Variants in CREG2 observed in about 807,000 individuals in gnomAD.
CREG2 encodes the protein cellular repressor of E1A stimulated genes 2.
Under a neutral mutation model 26.2 loss-of-function variants are expected in CREG2, and 24 were observed. The ratio of observed to expected loss-of-function variants is 0.92; its 90% CI spans 0.66 to 1.29. CREG2 has a LOEUF of 1.29. Ranked by LOEUF, CREG2 falls within the 50% of genes most tolerant of loss-of-function variation. The probability of loss-of-function intolerance (pLI) is 0.00; values close to 1 mark genes in which losing one functional copy is unlikely to be tolerated. For synonymous variants in CREG2, 174 were observed against 169.2 expected, an observed-to-expected ratio of 1.03 and a Z score of -0.22; for missense variants, 366 against 398.6, an observed-to-expected ratio of 0.92 and a Z score of 0.70.
Position 101,387,142 on chromosome 2 carries a change from A to G in CREG2, c.316T>C (p.Tyr106His). ...GCCGTCTGGCCGCCCTCGCGCCGGT[A>G]GGAGAACATCCCGGGTGGCGCGGGG... ...PPPAPPGMFS[Y>H]RREGGQTASA... is the part of the protein sequence containing the mutation. Residue 106 changes from tyrosine to histidine, a missense_variant, in exon 1 of 4, where the codon TAC (tyrosine) becomes CAC (histidine). Around this residue, in one of 3 missense-constraint regions of CREG2, gnomAD observed 177 missense variants for 183.3 expected, o/e 0.97. Transcript: ENST00000324768. This position sits in a 1 kb window ranked among gnomAD's most constrained non-coding sequence, Gnocchi z 4.7. 1 of 1,254,966 alleles carries G rather than the reference A, an allele frequency of 8.0e-7. No homozygotes were observed. The highest frequency in any genetic ancestry group is 4.2e-5 in the Admixed American group (1 of 23,658). 77.7% of individuals were successfully genotyped at this position (1,254,966 alleles called of 1,614,324 possible). A position where few individuals can be genotyped will look rare whatever the true frequency, so the allele number is the denominator to read the frequency against.
In CREG2 at chr2:101,348,695, G is replaced by A. The variant is rs993525427; in HGVS notation, c.*2228C>T. The A allele has an allele frequency of 6.6e-6, 1 of 151,872 alleles. No individual in the cohort carries two copies. The highest frequency in any genetic ancestry group is 1.5e-5 in the Non-Finnish European group (1 of 67,984). The allele number at this position is 151,872 out of a possible 1,614,324, so 9.4% of individuals were successfully genotyped here. A position where few individuals can be genotyped will look rare whatever the true frequency, so the allele number is the denominator to read the frequency against. ...CCAGAGTTTTTTTTTAAAAAAAATA[G>A]ATTATTTGGAATTTCTATGTAGGCA... On this transcript the variant is annotated 3_prime_UTR_variant, in exon 4 of 4. Coordinates refer to ENST00000324768, the MANE Select transcript of CREG2 (RefSeq NM_153836.4).
chr2:101,387,240 C>T lies in CREG2; in HGVS notation c.218G>A (p.Ser73Asn). 6.9e-7 allele frequency: 1 copy of T among 1,439,526 alleles called. No homozygotes were observed. The highest frequency in any genetic ancestry group is 1.4e-5 in the South Asian group (1 of 71,382). The allele number at this position is 1,439,526 out of a possible 1,614,324, so 89.2% of individuals were successfully genotyped here. A position where few individuals can be genotyped will look rare whatever the true frequency, so the allele number is the denominator to read the frequency against. ...CTCCTTGTGGGCAGAGGCGGGGAAG[C>T]TTTGCTGCCAGATGCTGCCCGAATC... ...LEDSGSIWQQ[S>N]FPASAHKEDA... The change falls in exon 1 of 4, where the codon AGC (serine) becomes AAC (asparagine). Residue 73 changes from serine to asparagine, a missense_variant. By Grantham distance (46) the Ser-to-Asn change is conservative. Coordinates refer to ENST00000324768, the MANE Select transcript of CREG2 (RefSeq NM_153836.4). This position sits in a 1 kb window ranked among gnomAD's most constrained non-coding sequence, Gnocchi z 4.7.
intron 2 of CREG2, among the ~76,000 whole-genome samples, chr2:101,370,988 G>A (rs939960981): frequency 1.3e-5 from 2 of 152,124 alleles, no homozygotes; most frequent in African/African-American, 2.4e-5. Flanking sequence ...CTGAAACCAC[G>A]TCTCAGATTC....
chr2:101,383,843 T>A, intron 1 of CREG2, 141 bp from the exon 2 acceptor site: 1 of 730,762 alleles, frequency 1.4e-6, no homozygotes, highest in Non-Finnish European at 2.2e-6. Context: ...TGACAGGTAG[T>A]AAATCAAGGT....
intron 2 of CREG2, among the ~76,000 whole-genome samples, chr2:101,359,068 A>AAAAAAAAAAAAAAAAAAAAAAAAAAAT: frequency 6.8e-5 from 1 of 14,612 alleles, no homozygotes; most frequent in Non-Finnish European, 3.4e-4. Flanking sequence ...AAAAAAAAAA[A>AAAAAAAAAAAAAAAAAAAAAAAAAAAT]AAAAGAGAGA....
chr2:101,360,028 A>G (rs1404166596), intron 2 of CREG2, among the ~76,000 whole-genome samples: 2 of 152,206 alleles, frequency 1.3e-5, no homozygotes, highest in East Asian at 1.9e-4. Context: ...TTGCAAGCTT[A>G]TCTTCCCAGG....
chr2:101,380,958 G>A (rs918117226), intron 2 of CREG2, among the ~76,000 whole-genome samples: 1 of 151,824 alleles, frequency 6.6e-6, no homozygotes, highest in Non-Finnish European at 1.5e-5. Flanking sequence ...AAAAAATGCT[G>A]TTGCAAGTTT....
At chr2:101,384,301 A>G (rs1684929308) in intron 1 of CREG2, among the ~76,000 whole-genome samples, 1 of 152,182 alleles carries the variant, frequency 6.6e-6, no homozygotes, top group Admixed American at 6.5e-5. Flanking sequence ...TGAGAAATTG[A>G]TTTGTTACCC....
intron 2 of CREG2, among the ~76,000 whole-genome samples, chr2:101,370,343 C>T (rs1271143924): frequency 6.6e-6 from 1 of 152,116 alleles, no homozygotes; most frequent in African/African-American, 2.4e-5. Flanking sequence ...AGAAGAAACA[C>T]CTGTTACTGA....
In CREG2 at chr2:101,352,278, A is replaced by C. The variant is rs917896210; in HGVS notation, c.726-1208T>G. ...CAAAACTATTTTATTTTCTTAATCC[A>C]TTTGAACAAAAGTTGCTGATCTGAT... On this transcript the variant is annotated intron_variant, in intron 3 of 3. Coordinates refer to ENST00000324768, the MANE Select transcript of CREG2 (RefSeq NM_153836.4). 5.9e-5 allele frequency among the ~76,000 whole-genome samples: 9 copies of C among 152,360 alleles called. No homozygotes were observed. In the East Asian group the frequency reaches 1.2e-3, roughly 20 times the overall value.
intron 2 of CREG2, among the ~76,000 whole-genome samples, chr2:101,364,234 G>A (rs1318010862): frequency 1.3e-5 from 2 of 152,212 alleles, no homozygotes; most frequent in Non-Finnish European, 2.9e-5. Flanking sequence ...GGTAGGTGTA[G>A]ACCAGGCTTT....
chr2:101,352,743 G>A (rs892631460), intron 3 of CREG2, among the ~76,000 whole-genome samples: 19 of 152,328 alleles, frequency 1.2e-4, no homozygotes, highest in Admixed American at 1.1e-3. Context: ...AGGAGGCAGA[G>A]GTTGCAGTGA....
At chr2:101,379,771 C>T (rs1354595906) in intron 2 of CREG2, among the ~76,000 whole-genome samples, 1 of 152,156 alleles carries the variant, frequency 6.6e-6, no homozygotes, top group East Asian at 1.9e-4. Context: ...GAGGCAGGCC[C>T]CTGGCCATGA....
chr2:101,366,620 C>G (rs1431125209), intron 2 of CREG2, among the ~76,000 whole-genome samples: 3 of 152,070 alleles, frequency 2.0e-5, no homozygotes, highest in South Asian at 2.1e-4. Context: ...GTCAGGAGTT[C>G]AAGACCAGCC....
chr2:101,386,874 G>C, intron 1 of CREG2, 143 bp downstream of exon 1: 1 of 825,286 alleles, frequency 1.2e-6, no homozygotes, highest in Non-Finnish European at 1.6e-6. Flanking sequence ...ATTATGTACA[G>C]TGTCGAGGGT....
intron 2 of CREG2, among the ~76,000 whole-genome samples, chr2:101,355,660 A>T (rs1185645753): frequency 6.8e-6 from 1 of 146,252 alleles, no homozygotes; most frequent in Non-Finnish European, 1.5e-5. Context: ...GGAAATTGAG[A>T]CGGGAAAGTT....
rs971201996 is a variant in CREG2 at position 101,347,601 on chromosome 2, T to G, written c.*3322A>C. ...TTGACTGTCTTTTCATGTCTTTTCA[T>G]GCGCTTATTTGCCATTTTTATATCC... On this transcript the variant is annotated 3_prime_UTR_variant, in exon 4 of 4. Transcript: ENST00000324768. 4 of 152,260 alleles carry G rather than the reference T, an allele frequency of 2.6e-5. No homozygotes were observed. The highest frequency in any genetic ancestry group is 5.9e-5 in the Non-Finnish European group (4 of 68,048). The allele number at this position is 152,260 out of a possible 1,614,324, so 9.4% of individuals were successfully genotyped here.
At chr2:101,383,384 G>T in intron 2 of CREG2, 149 bp downstream of exon 2, 1 of 745,540 alleles carries the variant, frequency 1.3e-6, no homozygotes. Context: ...GGTGAGTGGT[G>T]GAATTCTAAT....
chr2:101,361,427 A>C (rs1352951755), intron 2 of CREG2, among the ~76,000 whole-genome samples: 1 of 152,244 alleles, frequency 6.6e-6, no homozygotes, highest in Non-Finnish European at 1.5e-5. Context: ...CACAAGGATC[A>C]TTAAGTGGAA....
Sources: allele counts gnomAD v4.1 joint callset (sites outside exome capture counted in the v4.1 genomes callset), GRCh38; gene constraint gnomAD v4.1.1; regional missense constraint gnomAD v4.1.1; non-coding constraint Gnocchi (gnomAD v3.1); transcripts MANE v1.5; gene names NCBI Gene and HGNC (gene_info 2026-07-23, HGNC 2026-07-21).